Variants in RPL30 observed in about 807,000 individuals in gnomAD.
RPL30 encodes ribosomal protein L30.
For missense variants in RPL30, 60 were observed against 138.0 expected, an observed-to-expected ratio of 0.43 and a Z score of 2.83; for synonymous variants, 40 against 50.4, an observed-to-expected ratio of 0.79 and a Z score of 0.87.
Position 98,041,846 on chromosome 8 carries a change from G to T in RPL30, c.303C>A (p.Asp101Glu). The T allele has an allele frequency of 6.3e-7, 1 of 1,590,096 alleles. No individual in the cohort carries two copies. Reference sequence around the variant, plus strand: ...CTGGCATGCTTCTAATGATGTCAGAGTCACCTAAAAAATAAAAATAAAAAA... The same window carrying T: ...CTGGCATGCTTCTAATGATGTCAGATTCACCTAAAAAATAAAAATAAAAAA... ...VCTLAIIDPGDSDIIRSMPEQ... is the reference protein window; with the variant it reads ...VCTLAIIDPGESDIIRSMPEQ... The change falls in exon 5 of 5, where the codon GAC (aspartate) becomes GAA (glutamate). Residue 101 changes from aspartate (D) to glutamate (E), a missense_variant. Asp to Glu is a conservative substitution (Grantham distance 45). Coordinates refer to ENST00000287038, the MANE Select transcript of RPL30 (RefSeq NM_000989.4).
At chr8:98,043,569 T>C (rs2076761586) in intron 3 of RPL30, 1 of 151,694 alleles carries the variant, frequency 6.6e-6, no homozygotes, top group South Asian at 2.1e-4. Flanking sequence ...AGTGATACCG[T>C]TTTAGAGTTA....
In RPL30 at chr8:98,044,906, T is replaced by C. The variant is rs202019288; in HGVS notation, c.167+37A>G. ...TCCTGTATATTCGTTCACGATGAAT[T>C]CGCGGTAGGCGAAGCCCGTTCAGTC... On this transcript the variant is annotated intron_variant, in intron 3 of 4. Coordinates refer to ENST00000287038, the MANE Select transcript of RPL30 (RefSeq NM_000989.4). 24 of 1,602,906 alleles carry C rather than the reference T, an allele frequency of 1.5e-5. No homozygotes were observed. In the African/African-American group the frequency reaches 3.2e-4, roughly 22 times the overall value.
rs879141554 is a variant in RPL30 at position 98,041,856 on chromosome 8, A to C, written c.299-6T>G. On this transcript the variant is annotated splice_polypyrimidine_tract_variant and splice_region_variant and intron_variant, in intron 4 of 4. Transcript: ENST00000287038. ...TCTAATGATGTCAGAGTCACCTAAA[A>C]AATAAAAATAAAAAAACAGTAATTT... The C allele has an allele frequency of 6.4e-7, 1 of 1,571,152 alleles. No homozygotes were observed. The highest frequency in any genetic ancestry group is 1.2e-5 in the South Asian group (1 of 86,744).
In RPL30 at chr8:98,045,408, G is replaced by C. The variant is rs757006806; in HGVS notation, c.-32-9C>G. 1 of 1,613,504 alleles carries C rather than the reference G, an allele frequency of 6.2e-7. No homozygotes were observed. ...GCGGGACGGCCCCCAACCTAGAAGA[G>C]ACAGAGAACAGGACAGGAATTTTAG... is the stretch of plus-strand genomic sequence containing the variant. On this transcript the variant is annotated splice_polypyrimidine_tract_variant and intron_variant, in intron 1 of 4. Coordinates refer to ENST00000287038, the MANE Select transcript of RPL30 (RefSeq NM_000989.4).
chr8:98,045,148 G>A (rs1381153998), intron 2 of RPL30, 60 bp from the exon 3 acceptor site: 6 of 1,583,596 alleles, frequency 3.8e-6, no homozygotes, highest in African/African-American at 1.4e-5. Flanking sequence ...CTCAAAACCG[G>A]ACCCAGCTTT....
At chr8:98,045,199 A>AGT in intron 2 of RPL30, 111 bp from the exon 3 acceptor site, 1 of 1,546,676 alleles carries the variant, frequency 6.5e-7, no homozygotes, top group Admixed American at 1.8e-5. Context: ...CGAGGACCCC[A>AGT]AGTCATTGAG....
rs573562914 is a variant in RPL30, at chr8:98,045,167, G to A, written c.22-79C>T. 165 of 1,569,808 alleles carry A rather than the reference G, an allele frequency of 1.1e-4. 3 individuals are homozygous for A. The South Asian group carries it at 1.6e-3, about 15-fold the overall frequency. On this transcript the variant is annotated intron_variant, in intron 2 of 4. Coordinates refer to ENST00000287038, the MANE Select transcript of RPL30 (RefSeq NM_000989.4). ...AAACCGGACCCAGCTTTTTGAAGCC[G>A]AGCCCCTTAAACTTCCGAAGTCGAG...
In RPL30 at chr8:98,045,528, G is replaced by T; in HGVS notation, c.-53C>A. 1 of 677,670 alleles carries T rather than the reference G, an allele frequency of 1.5e-6. No individual in the cohort carries two copies. The highest frequency in any genetic ancestry group is 2.6e-6 in the Non-Finnish European group (1 of 386,870). The allele number at this position is 677,670 out of a possible 1,614,324, so 42.0% of individuals were successfully genotyped here. Reference sequence around the variant, plus strand: ...CTCACCAACAGCAGCCGCTAAGATGGCCGGGGAACGAGAAAGGAAAGACTT... The same window carrying T: ...CTCACCAACAGCAGCCGCTAAGATGTCCGGGGAACGAGAAAGGAAAGACTT... On this transcript the variant is annotated 5_prime_UTR_variant, in exon 1 of 5. Coordinates refer to ENST00000287038, the MANE Select transcript of RPL30 (RefSeq NM_000989.4).
At chr8:98,045,173 C>T in intron 2 of RPL30, 85 bp from the exon 3 acceptor site, 11 of 1,566,700 alleles carry the variant, frequency 7.0e-6, no homozygotes, top group Non-Finnish European at 9.5e-6. Flanking sequence ...AGCCGAGCCC[C>T]TTAAACTTCC....
chr8:98,042,316 G>A (rs1039299171), intron 4 of RPL30: 4 of 447,452 alleles, frequency 8.9e-6, no homozygotes, highest in African/African-American at 8.2e-5. Context: ...CTGTTCTCAA[G>A]AAGCAAGAAT....
intron 4 of RPL30, 152 bp from the exon 5 acceptor site, chr8:98,042,002 T>C: frequency 1.4e-6 from 1 of 722,860 alleles, no homozygotes; most frequent in African/African-American, 1.7e-5. Context: ...TTAGCTGTAC[T>C]GTCATTTTTC....
Position 98,041,858 on chromosome 8 carries a change from A to G in RPL30, c.299-8T>C. On this transcript the variant is annotated splice_polypyrimidine_tract_variant and splice_region_variant and intron_variant, in intron 4 of 4. Coordinates refer to ENST00000287038, the MANE Select transcript of RPL30 (RefSeq NM_000989.4). The stretch of plus-strand genomic sequence containing the variant: ...TAATGATGTCAGAGTCACCTAAAAA[A>G]TAAAAATAAAAAAACAGTAATTTTA... 6.4e-7 allele frequency: 1 copy of G among 1,572,516 alleles called. No homozygotes were observed. Among genetic ancestry groups the G allele is most frequent in the Non-Finnish European group, 8.7e-7 (1 of 1,153,260 alleles).
Position 98,045,544 on chromosome 8 carries a change from G to A in RPL30, c.-69C>T, listed in dbSNP as rs1243145930. ...GCTAAGATGGCCGGGGAACGAGAAA[G>A]GAAAGACTTCCCACAATGCAAAGCT... On this transcript the variant is annotated 5_prime_UTR_variant, in exon 1 of 5. Transcript: ENST00000287038. The A allele has an allele frequency of 2.5e-5, 16 of 635,490 alleles. No homozygotes were observed. Among genetic ancestry groups the A allele is most frequent in the Non-Finnish European group, 3.6e-5 (13 of 358,206 alleles). The allele number at this position is 635,490 out of a possible 1,614,324, so 39.4% of individuals were successfully genotyped here.
intron 3 of RPL30, 150 bp from the exon 4 acceptor site, chr8:98,042,925 A>G (rs1814405480): frequency 1.4e-6 from 1 of 692,832 alleles, no homozygotes; most frequent in African/African-American, 1.9e-5. Context: ...CATATTCATT[A>G]TCCAATACAA....
At chr8:98,042,872 G>C in intron 3 of RPL30, 97 bp from the exon 4 acceptor site, 1 of 1,215,962 alleles carries the variant, frequency 8.2e-7, no homozygotes, top group Non-Finnish European at 1.1e-6. Flanking sequence ...TGTTGTTAAG[G>C]CCTTCAAAAA....
intron 3 of RPL30, chr8:98,044,730 C>T (rs1282027113): frequency 7.3e-6 from 4 of 548,750 alleles, no homozygotes; most frequent in Non-Finnish European, 1.3e-5. Flanking sequence ...CACACACACA[C>T]ATTTCTCCTC....
At chr8:98,045,297 A>G in intron 2 of RPL30, 50 bp downstream of exon 2, 1 of 1,613,722 alleles carries the variant, frequency 6.2e-7, no homozygotes, top group Non-Finnish European at 8.5e-7. Flanking sequence ...GCCCTGGCCA[A>G]GACATCTCTC....
chr8:98,042,594 T>C (rs1306258964), intron 4 of RPL30, 51 bp downstream of exon 4: 1 of 1,499,168 alleles, frequency 6.7e-7, no homozygotes, highest in Admixed American at 2.0e-5. Flanking sequence ...TGTCCAGACA[T>C]TACATTAGAA....
In RPL30 at chr8:98,045,412, G is replaced by C; in HGVS notation, c.-32-13C>G. 1 of 1,613,468 alleles carries C rather than the reference G, an allele frequency of 6.2e-7. No individual in the cohort carries two copies. The highest frequency in any genetic ancestry group is 1.1e-5 in the South Asian group (1 of 91,050). Reference sequence around the variant, plus strand: ...GACGGCCCCCAACCTAGAAGAGACAGAGAACAGGACAGGAATTTTAGGATC... The same window carrying C: ...GACGGCCCCCAACCTAGAAGAGACACAGAACAGGACAGGAATTTTAGGATC... On this transcript the variant is annotated splice_polypyrimidine_tract_variant and intron_variant, in intron 1 of 4. Coordinates refer to ENST00000287038, the MANE Select transcript of RPL30 (RefSeq NM_000989.4).
Sources: gnomAD v4.1 joint callset for allele counts on GRCh38, gnomAD v4.1.1 for gene constraint, MANE v1.5 for transcripts, NCBI Gene and HGNC (gene_info 2026-07-23, HGNC 2026-07-21) for gene names.